The following MTDH variants were observed in gnomAD, a reference collection of about 807,000 sequenced individuals.
MTDH encodes protein LYRIC.
Under a neutral mutation model 72.7 loss-of-function variants are expected in MTDH, and 34 were observed. That is an observed-to-expected ratio of 0.47 (90% CI 0.36 to 0.62). The LOEUF (loss-of-function observed/expected upper bound fraction) is 0.62, where lower values mean the gene tolerates loss of function less well. MTDH is among the 20% of genes least tolerant of loss of function. The probability of loss-of-function intolerance (pLI) is 0.00; values close to 1 mark genes in which losing one functional copy is unlikely to be tolerated. For synonymous variants in MTDH, 266 were observed against 268.9 expected (o/e 0.99, Z 0.10); for missense variants, 677 against 699.4 (o/e 0.97, Z 0.36).
intron 9 of MTDH, among the ~76,000 whole-genome samples, chr8:97,718,038 C>T (rs1411638617): frequency 6.6e-6 from 1 of 151,868 alleles, no homozygotes; most frequent in Non-Finnish European, 1.5e-5. Context: ...GCATGAGCCA[C>T]AGCACCCGGC....
chr8:97,718,337 A>T (rs536176025), intron 9 of MTDH, among the ~76,000 whole-genome samples: 3 of 152,232 alleles, frequency 2.0e-5, no homozygotes, highest in Admixed American at 1.3e-4. Flanking sequence ...GCCACTGCCA[A>T]ATCTATCCCT....
At chr8:97,679,881 A>G (rs557903595) in intron 2 of MTDH, among the ~76,000 whole-genome samples, 2 of 152,270 alleles carry the variant, frequency 1.3e-5, no homozygotes, top group South Asian at 4.1e-4. Flanking sequence ...TTGATTAGCA[A>G]TTGAGTATTG....
intron 2 of MTDH, among the ~76,000 whole-genome samples, chr8:97,662,907 A>G (rs1041908624): frequency 1.1e-4 from 16 of 151,922 alleles, no homozygotes; most frequent in East Asian, 7.7e-4. Context: ...AATTGGAAGA[A>G]CCAAGACAGC....
At chr8:97,699,640 C>A in intron 6 of MTDH, 114 bp from the exon 7 acceptor site, 1 of 610,534 alleles carries the variant, frequency 1.6e-6, no homozygotes, top group Non-Finnish European at 2.8e-6. Flanking sequence ...TGAATTTTTC[C>A]TTTTAGGAGA....
At chr8:97,710,903 G>A (rs1186979943) in intron 8 of MTDH, among the ~76,000 whole-genome samples, 1 of 151,900 alleles carries the variant, frequency 6.6e-6, no homozygotes, top group Non-Finnish European at 1.5e-5. Flanking sequence ...GGGAGACTGA[G>A]GCAGGGGAAT....
At chr8:97,706,077 T>TA (rs1814339994) in intron 7 of MTDH, among the ~76,000 whole-genome samples, 1 of 152,124 alleles carries the variant, frequency 6.6e-6, no homozygotes, top group Non-Finnish European at 1.5e-5. Context: ...TATAAGAAAG[T>TA]ACAGGTTAAG....
intron 6 of MTDH, among the ~76,000 whole-genome samples, chr8:97,697,150 A>ATATATATATTTTTTTTTTTTTTTTTT: frequency 1.5e-5 from 1 of 68,838 alleles, no homozygotes; most frequent in African/African-American, 9.1e-5. Context: ...ATATATATAT[A>ATATATATATTTTTTTTTTTTTTTTTT]TTTTTTTTTT....
chr8:97,685,487 A>G (rs961775896), intron 2 of MTDH, among the ~76,000 whole-genome samples: 1 of 152,118 alleles, frequency 6.6e-6, no homozygotes, highest in Non-Finnish European at 1.5e-5. Context: ...GCTCAGATTC[A>G]TTTACTGCCT....
intron 9 of MTDH, among the ~76,000 whole-genome samples, chr8:97,716,913 TCAAA>T (rs1405677536): frequency 6.6e-6 from 1 of 152,046 alleles, no homozygotes. Context: ...ACTCCTGGGC[TCAAA>T]CAGTCCTCCT....
At chr8:97,657,077 A>T (rs1241590814) in intron 1 of MTDH, among the ~76,000 whole-genome samples, 1 of 152,012 alleles carries the variant, frequency 6.6e-6, no homozygotes, top group Non-Finnish European at 1.5e-5. Flanking sequence ...TTTTCCCCTG[A>T]TATATAGATA....
At chr8:97,667,813 G>A (rs1200400660) in intron 2 of MTDH, among the ~76,000 whole-genome samples, 3 of 138,880 alleles carry the variant, frequency 2.2e-5, no homozygotes, top group East Asian at 4.3e-4. Context: ...GCAACATAGC[G>A]AGACCCTGTC....
chr8:97,662,601 C>G (rs1356123591), intron 2 of MTDH, among the ~76,000 whole-genome samples: 1 of 151,514 alleles, frequency 6.6e-6, no homozygotes, highest in African/African-American at 2.4e-5. Flanking sequence ...GCCTGGCCAA[C>G]ATGATGAAAC....
intron 10 of MTDH, 83 bp downstream of exon 10, chr8:97,719,272 G>T: frequency 7.1e-7 from 1 of 1,417,268 alleles, no homozygotes; most frequent in Non-Finnish European, 9.6e-7. Flanking sequence ...AGGTGGGCAG[G>T]TCATGAGGTC....
chr8:97,645,187 G>GAAT (rs1465476062), intron 1 of MTDH, among the ~76,000 whole-genome samples: 2 of 152,164 alleles, frequency 1.3e-5, no homozygotes, highest in Non-Finnish European at 2.9e-5. Flanking sequence ...GTCACCGCTA[G>GAAT]AATAAGCACA....
At chr8:97,715,288 C>CA (rs1033051407) in intron 9 of MTDH, among the ~76,000 whole-genome samples, 1 of 151,830 alleles carries the variant, frequency 6.6e-6, no homozygotes, top group Non-Finnish European at 1.5e-5. Flanking sequence ...CCACCACACC[C>CA]AGCTAATTTT....
At chr8:97,666,611 A>G (rs1194811968) in intron 2 of MTDH, among the ~76,000 whole-genome samples, 1 of 152,192 alleles carries the variant, frequency 6.6e-6, no homozygotes, top group Non-Finnish European at 1.5e-5. Flanking sequence ...TGATGCTTGC[A>G]CTGATGGTGC....
chr8:97,729,209 G>T lies in MTDH; in HGVS notation c.*4539G>T, dbSNP rs1446224078. Among the ~76,000 whole-genome samples, 1 of 151,432 alleles carries T rather than the reference G, an allele frequency of 6.6e-6. No individual in the cohort carries two copies. The highest frequency in any genetic ancestry group is 2.4e-5 in the African/African-American group (1 of 41,182). On this transcript the variant is annotated 3_prime_UTR_variant, in exon 12 of 12. Transcript: ENST00000336273. ...CCCAAAGTGCTGGTGTTACAGGTGT[G>T]AGCCACCACACCTGGCCAACATGTG...
At chr8:97,691,449 A>T (rs968875279) in intron 6 of MTDH, among the ~76,000 whole-genome samples, 1 of 152,172 alleles carries the variant, frequency 6.6e-6, no homozygotes, top group East Asian at 1.9e-4. Context: ...TGGTGTAATT[A>T]TATATTCTTA....
At chr8:97,664,245 A>ACT (rs1232605559) in intron 2 of MTDH, among the ~76,000 whole-genome samples, 1 of 151,760 alleles carries the variant, frequency 6.6e-6, no homozygotes, top group African/African-American at 2.4e-5. Flanking sequence ...AGTCCCAGCT[A>ACT]CTCGGGAGAC....
Sources: gnomAD v4.1 joint callset for allele counts (sites outside exome capture counted in the v4.1 genomes callset) on GRCh38, gnomAD v4.1.1 for gene constraint, MANE v1.5 for transcripts, NCBI Gene and HGNC (gene_info 2026-07-23, HGNC 2026-07-21) for gene names.